The following PPM1D variants were observed in gnomAD, a reference collection of about 807,000 sequenced individuals.
The protein encoded by PPM1D is protein phosphatase, Mg2+/Mn2+ dependent 1D.
Under a neutral mutation model 58.3 loss-of-function variants are expected in PPM1D, and 52 were observed. The ratio of observed to expected loss-of-function variants is 0.89; its 90% confidence interval spans 0.71 to 1.12. The LOEUF (loss-of-function observed/expected upper bound fraction) is 1.12, where lower values mean the gene tolerates loss of function less well. Ranked by LOEUF, PPM1D falls within the 50% of genes most tolerant of loss-of-function variation. The pLI, the probability that PPM1D is intolerant of heterozygous loss-of-function variation, is 0.00. For synonymous variants in PPM1D, 278 were observed against 285.1 expected (o/e 0.98, Z 0.25); for missense variants, 564 against 777.2 (o/e 0.73, Z 3.26).
rs948232449 is a variant in PPM1D, at chr17:60,665,962, A to G, written c.*2410A>G. 8.5e-5 allele frequency: 13 copies of G among 152,186 alleles called. No homozygotes were observed. The highest frequency in any genetic ancestry group is 3.1e-4 in the African/African-American group (13 of 41,448). 9.4% of individuals were successfully genotyped at this position (152,186 alleles called of 1,614,324 possible). On this transcript the variant is annotated 3_prime_UTR_variant, in exon 6 of 6. Coordinates refer to ENST00000305921, the MANE Select transcript of PPM1D (RefSeq NM_003620.4). ...GTAACCTAGCCTCTGAAAGTGTCATACCAATTCTGTATTTTGTTGGTCACA... is the reference window on the plus strand; with the variant it reads ...GTAACCTAGCCTCTGAAAGTGTCATGCCAATTCTGTATTTTGTTGGTCACA...
rs549940740 is a variant in PPM1D at position 60,616,662 on chromosome 17, A to G, written c.473-6859A>G. Among the ~76,000 whole-genome samples, 47 of 152,338 alleles carry G rather than the reference A, an allele frequency of 3.1e-4. No individual in the cohort carries two copies. The South Asian group carries it at 5.8e-3, about 19-fold the overall frequency. On this transcript the variant is annotated intron_variant, in intron 1 of 5. Transcript: ENST00000305921. ...AAACTACCAATTATTAAAAAGTACT[A>G]TAAATAGATTAGTAGGATGAGTTTA... is the stretch of plus-strand genomic sequence containing the variant.
intron 1 of PPM1D, among the ~76,000 whole-genome samples, chr17:60,611,237 T>G (rs1432027838): frequency 6.6e-6 from 1 of 152,190 alleles, no homozygotes; most frequent in African/African-American, 2.4e-5. Flanking sequence ...GCTAGGCTAG[T>G]CTTGAACTCC....
Position 60,600,720 on chromosome 17 carries a change from C to T in PPM1D, c.306C>T (p.Ala102=). 3.7e-6 allele frequency: 6 copies of T among 1,608,566 alleles called. No homozygotes were observed. Among genetic ancestry groups the T allele is most frequent in the Non-Finnish European group, 5.1e-6 (6 of 1,178,336 alleles). The change falls in exon 1 of 6, where the codon GCC becomes GCT. Residue 102 remains alanine, a synonymous_variant. Transcript: ENST00000305921. ...GCCGTTCCTCCGTGGCCTTTTTCGC[C>T]GTGTGCGACGGGCACGGCGGGCGGG... ...CRRRSSVAFF[A]VCDGHGGREA...
chr17:60,609,723 CTT>C (rs1262335660), intron 1 of PPM1D, among the ~76,000 whole-genome samples: 1 of 152,084 alleles, frequency 6.6e-6, no homozygotes, highest in Non-Finnish European at 1.5e-5. Flanking sequence ...CGGATCAACT[CTT>C]ATGGTATTGC....
chr17:60,620,777 G>A (rs976265896), intron 1 of PPM1D, among the ~76,000 whole-genome samples: 5 of 152,000 alleles, frequency 3.3e-5, no homozygotes, highest in Non-Finnish European at 7.4e-5. Flanking sequence ...CAAAGTGCTG[G>A]GATTACAGGC....
intron 2 of PPM1D, among the ~76,000 whole-genome samples, chr17:60,624,215 CT>C (rs2030759395): frequency 6.6e-6 from 1 of 152,026 alleles, no homozygotes; most frequent in South Asian, 2.1e-4. Flanking sequence ...AATTTGTAAA[CT>C]AGGAACTGAA....
intron 4 of PPM1D, among the ~76,000 whole-genome samples, chr17:60,654,305 C>G (rs1421403498): frequency 6.9e-6 from 1 of 145,216 alleles, no homozygotes; most frequent in Admixed American, 6.8e-5. Context: ...GAGTCTCACT[C>G]TGTCACCCAG....
At chr17:60,614,000 G>C (rs142308644) in intron 1 of PPM1D, among the ~76,000 whole-genome samples, 1,591 of 152,148 alleles carry the variant, frequency 0.01, 25 homozygotes, top group African/African-American at 0.037. Context: ...TGAGGAGTGC[G>C]GGCCCAAGGG....
intron 3 of PPM1D, among the ~76,000 whole-genome samples, chr17:60,644,034 G>A (rs1177479928): frequency 6.6e-6 from 1 of 151,778 alleles, no homozygotes; most frequent in Non-Finnish European, 1.5e-5. Context: ...ACAGGCGCGT[G>A]CCACCCAGCT....
intron 1 of PPM1D, among the ~76,000 whole-genome samples, chr17:60,603,739 G>A (rs2030271068): frequency 6.9e-6 from 1 of 145,432 alleles, no homozygotes; most frequent in Admixed American, 7.1e-5. Flanking sequence ...ACTCCAGCCT[G>A]GGCAACAGAG....
intron 1 of PPM1D, among the ~76,000 whole-genome samples, chr17:60,611,369 A>C (rs2030450851): frequency 6.6e-6 from 1 of 151,656 alleles, no homozygotes; most frequent in African/African-American, 2.4e-5. Flanking sequence ...CCATGTTAAC[A>C]CTGAATTGTT....
At chr17:60,658,372 G>A (rs2031474913) in intron 5 of PPM1D, among the ~76,000 whole-genome samples, 1 of 152,134 alleles carries the variant, frequency 6.6e-6, no homozygotes, top group African/African-American at 2.4e-5. Context: ...ACTTAAGCTG[G>A]GCACAGTGGC....
chr17:60,656,537 A>T (rs1598413437), intron 4 of PPM1D, 62 bp from the exon 5 acceptor site: 5 of 1,580,214 alleles, frequency 3.2e-6, no homozygotes, highest in Non-Finnish European at 4.3e-6. Flanking sequence ...TTTGATATAG[A>T]TACAGATGTA....
chr17:60,645,588 G>GTGTA (rs2031232036), intron 3 of PPM1D, among the ~76,000 whole-genome samples: 1 of 132,134 alleles, frequency 7.6e-6, no homozygotes, highest in African/African-American at 3.1e-5. Context: ...ATATATGTGT[G>GTGTA]TATATATATG....
chr17:60,633,501 C>T (rs745849168), intron 2 of PPM1D, among the ~76,000 whole-genome samples: 2 of 152,090 alleles, frequency 1.3e-5, no homozygotes, highest in South Asian at 2.1e-4. Flanking sequence ...CTCTGCCTCC[C>T]GAGTTCAAGC....
chr17:60,603,069 G>GC (rs1434816206), intron 1 of PPM1D, among the ~76,000 whole-genome samples: 4 of 151,688 alleles, frequency 2.6e-5, no homozygotes, highest in South Asian at 2.1e-4. Context: ...CTCTCACCCT[G>GC]CCCCCCCAAC....
At chr17:60,615,106 T>C (rs1256059840) in intron 1 of PPM1D, among the ~76,000 whole-genome samples, 1 of 152,118 alleles carries the variant, frequency 6.6e-6, no homozygotes, top group East Asian at 1.9e-4. Context: ...CTTAAGAAAA[T>C]TTTCCTTAGG....
At position 60,629,177 on chromosome 17, in the gene PPM1D, A is replaced by G. The variant is rs570850734; in HGVS notation, c.702-4676A>G. Among the ~76,000 whole-genome samples the G allele has an allele frequency of 1.1e-4, 17 of 152,342 alleles. No individual in the cohort carries two copies. The South Asian group carries it at 3.1e-3, about 28-fold the overall frequency. ...TAGAATGATCCCTGAATGGAATTGC[A>G]TCTTGGTAGGGAAGTTGTTGAATGG... On this transcript the variant is annotated intron_variant, in intron 2 of 5. Transcript: ENST00000305921.
chr17:60,612,308 TAAC>T (rs1009654408), intron 1 of PPM1D, among the ~76,000 whole-genome samples: 1 of 152,170 alleles, frequency 6.6e-6, no homozygotes, highest in Non-Finnish European at 1.5e-5. Flanking sequence ...ATATGTTGCT[TAAC>T]AACAGGGATA....
Sources: gnomAD v4.1 joint callset for allele counts (sites outside exome capture counted in the v4.1 genomes callset) on GRCh38, gnomAD v4.1.1 for gene constraint, MANE v1.5 for transcripts, NCBI Gene and HGNC (gene_info 2026-07-23, HGNC 2026-07-21) for gene names.